The following LONP2 variants were observed in gnomAD, a reference collection of about 807,000 sequenced individuals.
The protein encoded by LONP2 is lon protease homolog 2, peroxisomal.
A neutral mutation model predicts 85.6 loss-of-function variants in LONP2; 60 were observed. The observed-to-expected ratio is 0.70, with a 90% CI of 0.57 to 0.87. LONP2 has a LOEUF of 0.87. LONP2 is among the 40% of genes least tolerant of loss of function. LONP2 has a pLI of 0.00. For missense variants in LONP2, 860 were observed against 1,063.5 expected, an observed-to-expected ratio of 0.81 and a Z score of 2.66; for synonymous variants, 395 against 389.7, an observed-to-expected ratio of 1.01 and a Z score of -0.16.
intron 9 of LONP2, 80 bp from the exon 10 acceptor site, chr16:48,299,582 T>TAAAA: frequency 8.4e-7 from 1 of 1,194,926 alleles, no homozygotes; most frequent in East Asian, 2.8e-5. Context: ...ACTCTGTCTC[T>TAAAA]AAAAAAAAAA....
chr16:48,262,861 A>G lies in LONP2; in HGVS notation c.971A>G (p.Lys324Arg). The G allele has an allele frequency of 6.2e-7, 1 of 1,607,172 alleles. No individual in the cohort carries two copies. Among genetic ancestry groups the G allele is most frequent in the Non-Finnish European group, 8.5e-7 (1 of 1,175,392 alleles). ...CTTATGGTAGAACTTCCTTGGAACA[A>G]AAGTACAACTGGTAAGCCAAAAAAT... ...LELMVELPWN[K>R]STTDRLDIRA... Residue 324 changes from lysine (K) to arginine (R), a missense_variant, in exon 6 of 15, where the codon AAA (lysine) becomes AGA (arginine). Lys to Arg is a conservative substitution (Grantham distance 26). Transcript: ENST00000285737.
intron 4 of LONP2, among the ~76,000 whole-genome samples, chr16:48,261,147 A>G (rs769858696): frequency 2.6e-5 from 4 of 152,184 alleles, no homozygotes; most frequent in African/African-American, 9.6e-5. Context: ...AATTATTTCT[A>G]GTATCCAGTT....
chr16:48,359,879 T>C (rs927174923), downstream of LONP2, among the ~76,000 whole-genome samples: 2 of 152,256 alleles, frequency 1.3e-5, no homozygotes, highest in African/African-American at 4.8e-5. Flanking sequence ...CAAATTTTCA[T>C]TGACTTTCTA....
rs115462215 is a variant in LONP2 at position 48,328,076 on chromosome 16, G to A, written c.1796-6140G>A. Among the ~76,000 whole-genome samples, 1,020 of 152,136 alleles carry A rather than the reference G, an allele frequency of 6.7e-3. 12 individuals are homozygous for A. The highest frequency in any genetic ancestry group is 0.023 in the African/African-American group (971 of 41,486). ...TGTATAGTAAATATTACTCTAAAAAGGGAGCCATCAGGATCTGGGAGAATT... is the reference window on the plus strand; with the variant it reads ...TGTATAGTAAATATTACTCTAAAAAAGGAGCCATCAGGATCTGGGAGAATT... On this transcript the variant is annotated intron_variant, in intron 11 of 14. Coordinates refer to ENST00000285737, the MANE Select transcript of LONP2 (RefSeq NM_031490.5).
chr16:48,289,765 C>T (rs1368776175), intron 8 of LONP2, among the ~76,000 whole-genome samples: 1 of 152,068 alleles, frequency 6.6e-6, no homozygotes, highest in Non-Finnish European at 1.5e-5. Flanking sequence ...AAGATAAATA[C>T]AAATACTAAT....
chr16:48,348,867 G>T (rs1184563633), intron 14 of LONP2, among the ~76,000 whole-genome samples: 1 of 152,156 alleles, frequency 6.6e-6, no homozygotes, highest in Non-Finnish European at 1.5e-5. Context: ...GCAGTTACAT[G>T]AAAATTTGAG....
At chr16:48,310,280 G>A (rs1973002810) in intron 11 of LONP2, among the ~76,000 whole-genome samples, 1 of 151,256 alleles carries the variant, frequency 6.6e-6, no homozygotes, top group African/African-American at 2.4e-5. Context: ...GTGCATTCAA[G>A]GTTAATACTG....
At chr16:48,277,804 C>A (rs1248877055) in intron 8 of LONP2, among the ~76,000 whole-genome samples, 1 of 151,662 alleles carries the variant, frequency 6.6e-6, no homozygotes, top group African/African-American at 2.4e-5. Flanking sequence ...CCCTGGGGTC[C>A]CCCATGCCTT....
At position 48,244,355 on chromosome 16, in the gene LONP2, T is replaced by A. The variant is rs1176221163; in HGVS notation, c.-34T>A. On this transcript the variant is annotated 5_prime_UTR_variant, in exon 1 of 15. Transcript: ENST00000285737. ...CCGGGGGCAGCTGTCTGTCTGGCTC[T>A]TTTTGACAGCCCCCAGTGCGAAAGG... is the stretch of plus-strand genomic sequence containing the variant. 6.8e-7 allele frequency: 1 copy of A among 1,478,302 alleles called. No homozygotes were observed. Among genetic ancestry groups the A allele is most frequent in the Non-Finnish European group, 9.0e-7 (1 of 1,108,120 alleles). The allele number at this position is 1,478,302 out of a possible 1,614,324, so 91.6% of individuals were successfully genotyped here.
chr16:48,348,055 C>T (rs952398906), intron 13 of LONP2, 45 bp from the exon 14 acceptor site: 1 of 1,507,484 alleles, frequency 6.6e-7, no homozygotes. Context: ...AAAAAGAAAA[C>T]AGGTTTAATT....
At chr16:48,259,145 T>A (rs1373202319) in intron 4 of LONP2, among the ~76,000 whole-genome samples, 1 of 152,256 alleles carries the variant, frequency 6.6e-6, no homozygotes. Context: ...ATAATAAGTT[T>A]CCATTTTTAT....
At position 48,296,293 on chromosome 16, in the gene LONP2, A is replaced by AATGTATATAAATCAGTTTCT. The variant is rs1972669346; in HGVS notation, c.1534+134_1534+153dup. 8 of 1,025,946 alleles carry AATGTATATAAATCAGTTTCT rather than the reference A, an allele frequency of 7.8e-6. No individual in the cohort carries two copies. The South Asian group carries it at 1.3e-4, about 17-fold the overall frequency. 63.6% of individuals were successfully genotyped at this position (1,025,946 alleles called of 1,614,324 possible). On this transcript the variant is annotated intron_variant, in intron 9 of 14. Transcript: ENST00000285737. The stretch of plus-strand genomic sequence containing the variant: ...CATACAATCTTCAGAAGTTCTGAGG[A>AATGTATATAAATCAGTTTCT]ATGTATATAAATCAGTTTCTATGTA...
At chr16:48,265,623 A>G (rs963605316) in intron 6 of LONP2, among the ~76,000 whole-genome samples, 12 of 152,204 alleles carry the variant, frequency 7.9e-5, no homozygotes, top group African/African-American at 2.9e-4. Flanking sequence ...TGATTACTGT[A>G]GCTTCGTAAT....
chr16:48,317,614 A>G (rs1283834186), intron 11 of LONP2, among the ~76,000 whole-genome samples: 1 of 152,228 alleles, frequency 6.6e-6, no homozygotes, highest in Non-Finnish European at 1.5e-5. Context: ...CCTTCACAAC[A>G]TTCCTCAGTA....
At chr16:48,338,853 A>G (rs1015513290) in intron 12 of LONP2, among the ~76,000 whole-genome samples, 1 of 152,194 alleles carries the variant, frequency 6.6e-6, no homozygotes, top group Non-Finnish European at 1.5e-5. Flanking sequence ...GGTTGCAATG[A>G]GCCAAGATCA....
chr16:48,265,898 T>C (rs1303648613), intron 6 of LONP2, among the ~76,000 whole-genome samples: 1 of 152,242 alleles, frequency 6.6e-6, no homozygotes, highest in African/African-American at 2.4e-5. Context: ...ATCAGTGTTT[T>C]ATAATTTTTA....
Position 48,348,264 on chromosome 16 carries a change from A to G in LONP2, c.2311A>G (p.Ile771Val), listed in dbSNP as rs1056442733. ...TTCAGATGTAGCCATGACTGGAGAA[A>G]TTACACTGAGAGGTCTTGTTCTTCC... is the stretch of plus-strand genomic sequence containing the variant. ...VRSDVAMTGE[I>V]TLRGLVLPVG... Residue 771 changes from isoleucine (I) to valine (V), a missense_variant, in exon 14 of 15, where the codon ATT becomes GTT. By Grantham distance (29) the Ile-to-Val change is conservative. Around this residue, in one of 3 missense-constraint regions of LONP2, gnomAD observed 115 missense variants for 129.0 expected, o/e 0.89. Transcript: ENST00000285737. The G allele has an allele frequency of 9.0e-6, 14 of 1,548,364 alleles. No individual in the cohort carries two copies. In the African/African-American group the frequency reaches 1.4e-4, roughly 15 times the overall value.
At chr16:48,289,488 G>A (rs1177629181) in intron 8 of LONP2, among the ~76,000 whole-genome samples, 2 of 152,146 alleles carry the variant, frequency 1.3e-5, no homozygotes, top group Non-Finnish European at 2.9e-5. Context: ...GAGCAGAGGG[G>A]TGACTTTGAA....
intron 12 of LONP2, among the ~76,000 whole-genome samples, chr16:48,338,839 C>T (rs1487987084): frequency 2.0e-5 from 3 of 151,938 alleles, no homozygotes; most frequent in Admixed American, 6.6e-5. Flanking sequence ...GCCTGGGAGA[C>T]GGAGGTTGCA....
Sources: allele counts gnomAD v4.1 joint callset (sites outside exome capture counted in the v4.1 genomes callset), GRCh38; gene constraint gnomAD v4.1.1; regional missense constraint gnomAD v4.1.1; transcripts MANE v1.5; gene names NCBI Gene and HGNC (gene_info 2026-07-23, HGNC 2026-07-21).